NRP2: variants seen among roughly 807,000 people sequenced by gnomAD.
NRP2 encodes the protein neuropilin 2.
NRP2 carries 52 observed loss-of-function variants against 110.4 expected under a neutral mutation model. The ratio of observed to expected loss-of-function variants is 0.47; its 90% CI spans 0.38 to 0.59. The LOEUF is 0.59. Among genes scored for constraint, NRP2 ranks in the 20% least tolerant of loss-of-function variants. NRP2 has a pLI of 0.00. For synonymous variants in NRP2, 508 were observed against 468.9 expected (o/e 1.08, Z -1.08); for missense variants, 1,049 against 1,203.0 (o/e 0.87, Z 1.89).
chr2:205,720,460 GA>G (rs1249475928), intron 3 of NRP2, among the ~76,000 whole-genome samples: 1 of 152,116 alleles, frequency 6.6e-6, no homozygotes, highest in African/African-American at 2.4e-5. Context: ...GATTCCGCCA[GA>G]AAATTCCCCA....
At chr2:205,717,178 G>A (rs2056916209) in intron 3 of NRP2, among the ~76,000 whole-genome samples, 1 of 148,998 alleles carries the variant, frequency 6.7e-6, no homozygotes, top group South Asian at 2.3e-4. Flanking sequence ...GATGTGTGGA[G>A]CTTGTTATCT....
chr2:205,709,794 A>G (rs2056761094), intron 2 of NRP2, among the ~76,000 whole-genome samples: 1 of 152,232 alleles, frequency 6.6e-6, no homozygotes, highest in Non-Finnish European at 1.5e-5. Context: ...GCATTTAAGA[A>G]TATGTGCTCT....
chr2:205,790,171 T>C (rs2058282964), intron 15 of NRP2, among the ~76,000 whole-genome samples: 1 of 152,304 alleles, frequency 6.6e-6, no homozygotes, highest in African/African-American at 2.4e-5. Context: ...GGTGCAGAAA[T>C]CTCAGCTGCA....
At chr2:205,685,490 C>T (rs1329475438) in intron 1 of NRP2, among the ~76,000 whole-genome samples, 1 of 152,236 alleles carries the variant, frequency 6.6e-6, no homozygotes, top group Non-Finnish European at 1.5e-5. Context: ...CGACGAGAAC[C>T]AATTCTGGGA....
intron 3 of NRP2, among the ~76,000 whole-genome samples, chr2:205,717,544 G>T (rs2056925308): frequency 6.6e-6 from 1 of 152,234 alleles, no homozygotes; most frequent in Non-Finnish European, 1.5e-5. Context: ...ATGAAGGGGT[G>T]GGGCAAGGGG....
At chr2:205,687,163 T>C (rs1194345192) in intron 1 of NRP2, among the ~76,000 whole-genome samples, 1 of 152,142 alleles carries the variant, frequency 6.6e-6, no homozygotes, top group African/African-American at 2.4e-5. Context: ...CAATTCACCC[T>C]TCCGTCTGGA....
At chr2:205,713,118 G>T (rs143474070) in intron 2 of NRP2, among the ~76,000 whole-genome samples, 4 of 152,144 alleles carry the variant, frequency 2.6e-5, no homozygotes, top group African/African-American at 9.7e-5. Flanking sequence ...AGTGGCATTT[G>T]TTGGGCAGCC....
chr2:205,709,873 A>G (rs372708204), intron 2 of NRP2, among the ~76,000 whole-genome samples: 1 of 152,218 alleles, frequency 6.6e-6, no homozygotes, highest in South Asian at 2.1e-4. Flanking sequence ...ATATGTTCAC[A>G]TATGGATATA....
chr2:205,776,707 C>G lies in NRP2; in HGVS notation c.2425+9904C>G, dbSNP rs948802820. ...ATCCTCCTTGGGTTCATTTTGGTTT[C>G]TGGTTTTTCTTTTTCCTTTTTGTTG... On this transcript the variant is annotated intron_variant, in intron 15 of 16. Coordinates refer to ENST00000357785, the MANE Select transcript of NRP2 (RefSeq NM_003872.3). 4.0e-6 allele frequency: 6 copies of G among 1,490,694 alleles called. No homozygotes were observed. The African/African-American group carries it at 8.4e-5, about 21-fold the overall frequency. 92.3% of individuals were successfully genotyped at this position (1,490,694 alleles called of 1,614,324 possible).
At chr2:205,783,357 A>G (rs1004415571) in intron 15 of NRP2, among the ~76,000 whole-genome samples, 1 of 152,172 alleles carries the variant, frequency 6.6e-6, no homozygotes, top group Non-Finnish European at 1.5e-5. Context: ...AATGAGTTCC[A>G]CTTGCTTTCT....
intron 1 of NRP2, among the ~76,000 whole-genome samples, chr2:205,688,247 T>G (rs2056222156): frequency 6.6e-6 from 1 of 152,246 alleles, no homozygotes; most frequent in South Asian, 2.1e-4. Context: ...GGTATTTTAT[T>G]ATCTGACCAT....
intron 16 of NRP2, among the ~76,000 whole-genome samples, chr2:205,794,375 G>T (rs1319049905): frequency 6.6e-6 from 1 of 152,234 alleles, no homozygotes; most frequent in Non-Finnish European, 1.5e-5. Flanking sequence ...CTCCCAAAGT[G>T]CTGGGATTAC....
intron 7 of NRP2, among the ~76,000 whole-genome samples, chr2:205,738,488 C>CCCT (rs1313825960): frequency 1.1e-4 from 16 of 152,224 alleles, no homozygotes; most frequent in Non-Finnish European, 1.5e-4. Flanking sequence ...AGTTCCCCAT[C>CCCT]CCTTTCCTGA....
chr2:205,753,083 C>A, intron 12 of NRP2, 108 bp downstream of exon 12: 1 of 1,430,672 alleles, frequency 7.0e-7, no homozygotes, highest in South Asian at 1.2e-5. Context: ...GCACAGCAAT[C>A]CTCTATTCTT....
chr2:205,751,999 A>G (rs2057654254), intron 11 of NRP2, among the ~76,000 whole-genome samples: 2 of 152,180 alleles, frequency 1.3e-5, no homozygotes, highest in African/African-American at 4.8e-5. Context: ...GTGGAACCTC[A>G]GAAGAAACTC....
chr2:205,776,421 T>C (rs1236550564), intron 15 of NRP2: 2 of 1,613,622 alleles, frequency 1.2e-6, no homozygotes, highest in East Asian at 2.2e-5. Context: ...AGAAGACCGA[T>C]CACTCCATCA....
At chr2:205,719,500 C>A (rs1040596588) in intron 3 of NRP2, among the ~76,000 whole-genome samples, 3 of 150,546 alleles carry the variant, frequency 2.0e-5, no homozygotes, top group Admixed American at 6.6e-5. Context: ...AATTTTTAAA[C>A]GTAAAATGTC....
At chr2:205,769,225 C>G (rs2057977347) in intron 15 of NRP2, among the ~76,000 whole-genome samples, 1 of 152,130 alleles carries the variant, frequency 6.6e-6, no homozygotes, top group Non-Finnish European at 1.5e-5. Flanking sequence ...TAGGCATTTA[C>G]ATTGTTATAC....
intron 15 of NRP2, among the ~76,000 whole-genome samples, chr2:205,775,683 T>C (rs779429427): frequency 5.9e-5 from 9 of 152,236 alleles, no homozygotes; most frequent in Non-Finnish European, 1.2e-4. Flanking sequence ...CCTTCAAGTC[T>C]AGCCAGCTTA....
Sources: allele counts gnomAD v4.1 joint callset (sites outside exome capture counted in the v4.1 genomes callset), GRCh38; gene constraint gnomAD v4.1.1; transcripts MANE v1.5; gene names NCBI Gene and HGNC (gene_info 2026-07-23, HGNC 2026-07-21).